COL17A1: variants seen among roughly 807,000 people sequenced by gnomAD.
COL17A1 encodes collagen type XVII alpha 1 chain.
In COL17A1, 181 loss-of-function variants were observed where a neutral mutation model predicts 218.4. The ratio of observed to expected loss-of-function variants is 0.83; its 90% CI spans 0.73 to 0.94. COL17A1 has a LOEUF of 0.94. Among genes scored for constraint, COL17A1 ranks in the 40% least tolerant of loss-of-function variants. The pLI is 0.00. For missense variants in COL17A1, 1,924 were observed against 1,945.9 expected (o/e 0.99, Z 0.21); for synonymous variants, 721 against 731.0 (o/e 0.99, Z 0.22).
Position 104,050,566 on chromosome 10 carries a change from G to A in COL17A1, c.2128+55C>T, listed in dbSNP as rs1303756083. On this transcript the variant is annotated intron_variant, in intron 27 of 55. Transcript: ENST00000648076. The stretch of plus-strand genomic sequence containing the variant: ...ACCCTACAGTGAGGGTCCCATCTGG[G>A]CTCCCAGGAGTGAGGCAGGCCCTGG... 15 of 1,612,204 alleles carry A rather than the reference G, an allele frequency of 9.3e-6. 1 individual carries two copies. The highest frequency in any genetic ancestry group is 1.2e-5 in the Non-Finnish European group (14 of 1,179,998).
chr10:104,077,485 C>T lies in COL17A1; in HGVS notation c.139G>A (p.Gly47Ser). Residue 47 changes from glycine (G) to serine (S), a missense_variant, in exon 4 of 56, where the codon GGT becomes AGT. Coordinates refer to ENST00000648076, the MANE Select transcript of COL17A1 (RefSeq NM_000494.4). ...TGTTTCTCCAGCCGGCTCCCTCCAC[C>T]AAGAGAGGCTGTTTTAGCATAGCCA... Reference protein sequence around the residue: ...SNGYAKTASLGGGSRLEKQSL... With the variant: ...SNGYAKTASLSGGSRLEKQSL... 6.2e-7 allele frequency: 1 copy of T among 1,613,536 alleles called. No individual in the cohort carries two copies. The highest frequency in any genetic ancestry group is 8.5e-7 in the Non-Finnish European group (1 of 1,179,864).
In COL17A1 at chr10:104,083,381, A is replaced by G. The variant is rs150054012; in HGVS notation, c.-12+2342T>C. Among the ~76,000 whole-genome samples the G allele has an allele frequency of 1.8e-3, 274 of 152,238 alleles. 1 individual carries two copies. Among genetic ancestry groups the G allele is most frequent in the African/African-American group, 6.2e-3 (259 of 41,540 alleles). ...AATAACATAATTTTTAACTTCTCAG[A>G]TATTTGGGCCACTTCACTAGAACTA... On this transcript the variant is annotated intron_variant, in intron 1 of 55. Transcript: ENST00000648076.
chr10:104,041,273 C>T, intron 38 of COL17A1, 30 bp downstream of exon 38: 1 of 1,600,744 alleles, frequency 6.2e-7, no homozygotes, highest in Non-Finnish European at 8.5e-7. Context: ...CCTCCCCCTC[C>T]CACCTCCCAG....
chr10:104,047,096 G>T (rs2086418345), intron 31 of COL17A1, among the ~76,000 whole-genome samples: 1 of 152,172 alleles, frequency 6.6e-6, no homozygotes, highest in African/African-American at 2.4e-5. Flanking sequence ...GCTGCCCCAG[G>T]TTCCCCCTCT....
At chr10:104,041,928 G>A (rs184404028) in intron 36 of COL17A1, among the ~76,000 whole-genome samples, 5 of 152,148 alleles carry the variant, frequency 3.3e-5, no homozygotes, top group African/African-American at 4.8e-5. Context: ...TCTACATCAC[G>A]GGGGTGTTGG....
intron 12 of COL17A1, 82 bp downstream of exon 12, chr10:104,062,176 T>C: frequency 6.2e-7 from 1 of 1,605,102 alleles, no homozygotes; most frequent in Non-Finnish European, 8.5e-7. Flanking sequence ...TCAGGGACAT[T>C]TTGGGTCTCC....
intron 29 of COL17A1, 196 bp from the exon 30 acceptor site, chr10:104,048,300 C>T: frequency 2.7e-6 from 2 of 748,332 alleles, no homozygotes; most frequent in South Asian, 2.8e-5. Context: ...GCAATTGTCT[C>T]TTTTCCTGTT....
At chr10:104,039,783 C>T in intron 41 of COL17A1, 143 bp from the exon 42 acceptor site, 1 of 1,073,954 alleles carries the variant, frequency 9.3e-7, no homozygotes, top group Non-Finnish European at 1.4e-6. Context: ...CACACACACA[C>T]ACACACACAC....
At chr10:104,056,539 A>G (rs1010485332) in intron 17 of COL17A1, among the ~76,000 whole-genome samples, 10 of 151,868 alleles carry the variant, frequency 6.6e-5, no homozygotes, top group Admixed American at 5.9e-4. Flanking sequence ...CCGAGATTGC[A>G]CCACTGCACT....
Position 104,035,562 on chromosome 10 carries a change from A to G in COL17A1, c.3420T>C (p.Ser1140=). 1.2e-6 allele frequency: 2 copies of G among 1,612,898 alleles called. No homozygotes were observed. The highest frequency in any genetic ancestry group is 1.7e-6 in the Non-Finnish European group (2 of 1,179,444). Residue 1140 remains serine, a splice_region_variant and synonymous_variant, in exon 49 of 56, where the codon AGT becomes AGC. Coordinates refer to ENST00000648076, the MANE Select transcript of COL17A1 (RefSeq NM_000494.4). ...CAGGAAGCCCAATGCTGATCCCAGA[A>G]CCTAGGGAGGTGATGGATTCAGATC... ...LSSRILSYMS[S]SGISIGLPGP... is the part of the protein sequence containing the mutation.
Position 104,034,683 on chromosome 10 carries a change from A to G in COL17A1, c.3704T>C (p.Leu1235Pro). 6.2e-7 allele frequency: 1 copy of G among 1,610,346 alleles called. No homozygotes were observed. Among genetic ancestry groups the G allele is most frequent in the Non-Finnish European group, 8.5e-7 (1 of 1,178,726 alleles). Residue 1235 changes from leucine (L) to proline (P), a missense_variant, in exon 51 of 56, where the codon CTG becomes CCG. Leu to Pro is a moderately conservative substitution (Grantham distance 98). Coordinates refer to ENST00000648076, the MANE Select transcript of COL17A1 (RefSeq NM_000494.4). ...PRGPPGVSGA[L>P]ATYAAENSDS... ...GCTGTTTTCAGCTGCATAGGTTGCC[A>G]GGGCTCCTGAGACACCCGGGGGCCC... is the stretch of plus-strand genomic sequence containing the variant.
chr10:104,040,367 AC>A lies in COL17A1; in HGVS notation c.2744del (p.Gly915ValfsTer151), dbSNP rs761414336. On this transcript the variant is annotated frameshift_variant, in exon 40 of 56. Transcript: ENST00000648076. LOFTEE classifies it high-confidence loss of function. ...SGPPGPPGPP[G>X]PKGDQGPPGP... ...TGTTCTCACCTTGGTCTCCCTTGGG[AC>A]CTGGGGGGCCAGGTGGGCCTGGGGG... 1 of 1,610,734 alleles carries A rather than the reference AC, an allele frequency of 6.2e-7. No homozygotes were observed. The highest frequency in any genetic ancestry group is 8.5e-7 in the Non-Finnish European group (1 of 1,177,162).
chr10:104,055,763 T>C lies in COL17A1; in HGVS notation c.1687+19A>G. ...AAGGGACTCAGGGGAGCTGGCCCTG[T>C]GCCCGGCGATGCTCTCACCATTTTC... On this transcript the variant is annotated intron_variant, in intron 18 of 55. Coordinates refer to ENST00000648076, the MANE Select transcript of COL17A1 (RefSeq NM_000494.4). The C allele has an allele frequency of 6.2e-7, 1 of 1,613,492 alleles. No individual in the cohort carries two copies. Among genetic ancestry groups the C allele is most frequent in the South Asian group, 1.1e-5 (1 of 91,064 alleles).
At chr10:104,036,066 ATGTGTATGGGAG>A (rs1564671183) in intron 48 of COL17A1, among the ~76,000 whole-genome samples, 17 of 8,048 alleles carry the variant, frequency 2.1e-3, no homozygotes, top group East Asian at 9.8e-3. Flanking sequence ...GTATGGGAGT[ATGTGTATGGGAG>A]TGTGTATGGG....
intron 16 of COL17A1, among the ~76,000 whole-genome samples, chr10:104,057,851 C>A (rs1265950330): frequency 6.6e-6 from 1 of 152,060 alleles, no homozygotes; most frequent in East Asian, 1.9e-4. Context: ...GACACAGTCA[C>A]CCTGTTGTGT....
At chr10:104,042,395 T>G (rs2134588380) in intron 36 of COL17A1, 25 bp downstream of exon 36, 1 of 1,614,006 alleles carries the variant, frequency 6.2e-7, no homozygotes, top group East Asian at 2.2e-5. Flanking sequence ...CCCATCGCTT[T>G]GCATTCTTGC....
At chr10:104,046,895 A>C in intron 31 of COL17A1, 122 bp from the exon 32 acceptor site, 1 of 886,898 alleles carries the variant, frequency 1.1e-6, no homozygotes, top group South Asian at 1.4e-5. Flanking sequence ...ACAGAAGGAC[A>C]CGTCTCATGC....
intron 3 of COL17A1, 116 bp from the exon 4 acceptor site, chr10:104,077,642 G>T: frequency 1.2e-6 from 1 of 809,154 alleles, no homozygotes; most frequent in Non-Finnish European, 2.1e-6. Flanking sequence ...CTTAGTTTGG[G>T]GTTCCTTTCC....
At chr10:104,052,070 G>A (rs907115769) in intron 24 of COL17A1, 85 bp downstream of exon 24, 1 of 1,584,384 alleles carries the variant, frequency 6.3e-7, no homozygotes. Flanking sequence ...GCTGTCTGGG[G>A]TCCCAGGGCC....
Sources: allele counts gnomAD v4.1 joint callset (sites outside exome capture counted in the v4.1 genomes callset), GRCh38; gene constraint gnomAD v4.1.1; transcripts MANE v1.5; gene names NCBI Gene and HGNC (gene_info 2026-07-23, HGNC 2026-07-21).